The following EHD2 variants were observed in gnomAD, a reference collection of about 807,000 sequenced individuals.
EHD2 encodes EH domain-containing protein 2.
EHD2 carries 27 observed loss-of-function variants against 41.0 expected under a neutral mutation model. That is an observed-to-expected ratio of 0.66 (90% CI 0.49 to 0.91). The LOEUF is 0.91. Among genes scored for constraint, EHD2 ranks in the 40% least tolerant of loss-of-function variants. The probability of loss-of-function intolerance (pLI) is 0.00; values close to 1 mark genes in which losing one functional copy is unlikely to be tolerated. For missense variants in EHD2, 673 were observed against 773.9 expected (o/e 0.87, Z 1.55); for synonymous variants, 342 against 341.0 (o/e 1.00, Z -0.03).
At chr19:47,724,256 A>G (rs918966810) in intron 3 of EHD2, among the ~76,000 whole-genome samples, 5 of 150,596 alleles carry the variant, frequency 3.3e-5, no homozygotes, top group Non-Finnish European at 5.9e-5. Context: ...ATTTTTTTGT[A>G]TTTTTAGGGC....
chr19:47,731,279 A>AAAAAATATATATATATATGTATAT, intron 4 of EHD2: 2 of 60,926 alleles, frequency 3.3e-5, no homozygotes, highest in African/African-American at 9.8e-5. Context: ...AAAAAAAAAA[A>AAAAAATATATATATATATGTATAT]ATATATATAT....
Position 47,718,505 on chromosome 19 carries a change from C to G in EHD2, c.405-4C>G. 1 of 1,574,380 alleles carries G rather than the reference C, an allele frequency of 6.4e-7. No individual in the cohort carries two copies. Among genetic ancestry groups the G allele is most frequent in the Non-Finnish European group, 8.6e-7 (1 of 1,159,160 alleles). ...TTGACCCCTGACCCTCCCTCTGCCC[C>G]CAGGTTCATGTGTGCCCAGCTCCCT... On this transcript the variant is annotated splice_polypyrimidine_tract_variant and splice_region_variant and intron_variant, in intron 2 of 5. Transcript: ENST00000263277.
intron 3 of EHD2, among the ~76,000 whole-genome samples, chr19:47,722,712 CCCA>C (rs770427943): frequency 1.8e-4 from 28 of 151,970 alleles, no homozygotes; most frequent in Non-Finnish European, 3.8e-4. Context: ...ATTACAGGTG[CCCA>C]CCACCACACC....
rs577609885 is a variant in EHD2 at position 47,741,734 on chromosome 19, CCTA to C, written c.*306_*308del. The stretch of plus-strand genomic sequence containing the variant: ...CATTCATTCAAATATTTATTGAGCA[CCTA>C]CTATGTGCCCAGCCCTGTTCTAGGC... On this transcript the variant is annotated 3_prime_UTR_variant, in exon 6 of 6. Coordinates refer to ENST00000263277, the MANE Select transcript of EHD2 (RefSeq NM_014601.4). This position sits in a 1 kb window ranked among gnomAD's most constrained non-coding sequence, Gnocchi z 4.5. 3.1e-4 allele frequency: 186 copies of C among 594,778 alleles called. No homozygotes were observed. The highest frequency in any genetic ancestry group is 2.2e-3 in the African/African-American group (116 of 53,462). 36.8% of individuals were successfully genotyped at this position (594,778 alleles called of 1,614,324 possible). A position where few individuals can be genotyped will look rare whatever the true frequency, so the allele number is the denominator to read the frequency against.
In EHD2 at chr19:47,719,135, C is replaced by T. The variant is rs1311231234; in HGVS notation, c.502+529C>T. On this transcript the variant is annotated intron_variant, in intron 3 of 5. Transcript: ENST00000263277. The surrounding 1 kb of genome is among the most constrained non-coding windows in gnomAD (Gnocchi z 4.1). Reference sequence around the variant, plus strand: ...GGTGGGGGAGGTGTGTGGGTGACCACGTGGTGGGAGCGGGCAGGAGCCGCA... The same window carrying T: ...GGTGGGGGAGGTGTGTGGGTGACCATGTGGTGGGAGCGGGCAGGAGCCGCA... Among the ~76,000 whole-genome samples the T allele has an allele frequency of 2.0e-5, 3 of 152,008 alleles. No homozygotes were observed. The highest frequency in any genetic ancestry group is 1.3e-4 in the Admixed American group (2 of 15,276).
chr19:47,732,218 C>G (rs1966881880), intron 4 of EHD2: 1 of 152,150 alleles, frequency 6.6e-6, no homozygotes, highest in Non-Finnish European at 1.5e-5. Context: ...CTCCCAGGTT[C>G]AAGTGATTCT....
At chr19:47,728,556 T>C (rs946624612) in intron 4 of EHD2, among the ~76,000 whole-genome samples, 2 of 149,702 alleles carry the variant, frequency 1.3e-5, no homozygotes, top group African/African-American at 5.0e-5. Flanking sequence ...TCTTTCTCTT[T>C]CTTTTTCTTT....
intron 4 of EHD2, among the ~76,000 whole-genome samples, chr19:47,734,181 G>A (rs1056658064): frequency 4.6e-5 from 7 of 152,032 alleles, no homozygotes; most frequent in Non-Finnish European, 8.8e-5. Context: ...ATGAGAAGCA[G>A]GGGAGAGGCT....
Position 47,713,476 on chromosome 19 carries a change from C to T in EHD2, c.-118C>T, listed in dbSNP as rs1973594594. 6.6e-6 allele frequency: 1 copy of T among 152,444 alleles called. No homozygotes were observed. The highest frequency in any genetic ancestry group is 1.5e-5 in the Non-Finnish European group (1 of 68,234). 9.4% of individuals were successfully genotyped at this position (152,444 alleles called of 1,614,324 possible). A position where few individuals can be genotyped will look rare whatever the true frequency, so the allele number is the denominator to read the frequency against. ...GGCCGCTCCGCGGGCGCTTCGGATCCTCGCGGGACCCCACCCTCTCCCAGC... is the reference window on the plus strand; with the variant it reads ...GGCCGCTCCGCGGGCGCTTCGGATCTTCGCGGGACCCCACCCTCTCCCAGC... On this transcript the variant is annotated 5_prime_UTR_variant, in exon 1 of 6. Coordinates refer to ENST00000263277, the MANE Select transcript of EHD2 (RefSeq NM_014601.4).
Position 47,719,734 on chromosome 19 carries a change from C to A in EHD2, c.502+1128C>A, listed in dbSNP as rs1031265745. Among the ~76,000 whole-genome samples the A allele has an allele frequency of 6.6e-6, 1 of 151,972 alleles. No homozygotes were observed. The highest frequency in any genetic ancestry group is 1.5e-5 in the Non-Finnish European group (1 of 67,954). On this transcript the variant is annotated intron_variant, in intron 3 of 5. Transcript: ENST00000263277. This position sits in a 1 kb window ranked among gnomAD's most constrained non-coding sequence, Gnocchi z 4.1. ...AGCTGCAGAAACGATTGGGAGGACACGCTGCCAGCTGAGGGGGAGGAATTC... is the reference window on the plus strand; with the variant it reads ...AGCTGCAGAAACGATTGGGAGGACAAGCTGCCAGCTGAGGGGGAGGAATTC...
intron 4 of EHD2, among the ~76,000 whole-genome samples, chr19:47,735,212 T>C (rs950781830): frequency 1.2e-4 from 19 of 152,262 alleles, no homozygotes; most frequent in African/African-American, 4.1e-4. Flanking sequence ...GGTATGGAGC[T>C]ATCCAGGAAT....
At position 47,741,076 on chromosome 19, in the gene EHD2, G is replaced by A. The variant is rs1432814403; in HGVS notation, c.1276G>A (p.Gly426Arg). 6.2e-7 allele frequency: 1 copy of A among 1,609,684 alleles called. No individual in the cohort carries two copies. The change falls in exon 6 of 6, where the codon GGA becomes AGA. Residue 426 changes from glycine to arginine, a missense_variant. Physicochemically the swap from Gly to Arg is moderately radical, Grantham distance 125. Transcript: ENST00000263277. The surrounding 1 kb of genome is among the most constrained non-coding windows in gnomAD (Gnocchi z 4.5). ...GTHMGPFVER[G>R]PDEAMEDGEE... The stretch of plus-strand genomic sequence containing the variant: ...CCACATGGGCCCGTTTGTGGAGCGG[G>A]GACCTGACGAGGCCATGGAGGACGG...
chr19:47,725,539 G>C (rs1303496256), intron 3 of EHD2, among the ~76,000 whole-genome samples: 2 of 152,146 alleles, frequency 1.3e-5, no homozygotes, highest in Non-Finnish European at 2.9e-5. Flanking sequence ...CATTGTGCTC[G>C]AGCAAAGGAA....
At chr19:47,722,103 A>G (rs1192678956) in intron 3 of EHD2, among the ~76,000 whole-genome samples, 1 of 151,974 alleles carries the variant, frequency 6.6e-6, no homozygotes, top group Admixed American at 6.6e-5. Flanking sequence ...TAAAGGTTAA[A>G]TTAGTTAAAA....
chr19:47,736,586 T>G (rs1966925792), intron 5 of EHD2, 53 bp downstream of exon 5: 1 of 1,519,392 alleles, frequency 6.6e-7, no homozygotes. Flanking sequence ...GAAGGTTGGT[T>G]TCTGGAAGCT....
intron 4 of EHD2, among the ~76,000 whole-genome samples, chr19:47,735,089 G>C (rs1395871248): frequency 1.3e-5 from 2 of 152,110 alleles, no homozygotes; most frequent in Non-Finnish European, 2.9e-5. Context: ...AAAATTTCTA[G>C]ATTTCTGGCC....
At chr19:47,732,809 T>A (rs1203799293) in intron 4 of EHD2, among the ~76,000 whole-genome samples, 1 of 152,026 alleles carries the variant, frequency 6.6e-6, no homozygotes, top group Non-Finnish European at 1.5e-5. Flanking sequence ...GTGGACCAGG[T>A]GTGGTGGCTC....
intron 2 of EHD2, 48 bp from the exon 3 acceptor site, chr19:47,718,461 C>T (rs1343685241): frequency 6.0e-6 from 9 of 1,493,970 alleles, no homozygotes; most frequent in Middle Eastern, 1.7e-4. Flanking sequence ...CGTGTTTTCC[C>T]TCCTTCTGTC....
At chr19:47,728,159 C>G (rs1471246112) in intron 4 of EHD2, among the ~76,000 whole-genome samples, 2 of 151,878 alleles carry the variant, frequency 1.3e-5, no homozygotes, top group African/African-American at 4.8e-5. Context: ...ACCCGTCTCC[C>G]ATGACTCTTG....
Sources: gnomAD v4.1 joint callset for allele counts (sites outside exome capture counted in the v4.1 genomes callset) on GRCh38, gnomAD v4.1.1 for gene constraint, Gnocchi (gnomAD v3.1) non-coding constraint, MANE v1.5 for transcripts, NCBI Gene and HGNC (gene_info 2026-07-23, HGNC 2026-07-21) for gene names.